CNTNAP2: variants seen among roughly 807,000 people sequenced by gnomAD.
CNTNAP2 encodes the protein contactin associated protein 2.
CNTNAP2 carries 98 observed loss-of-function variants against 155.2 expected under a neutral mutation model. That is an observed-to-expected ratio of 0.63 (90% confidence interval 0.54 to 0.75). CNTNAP2 has a LOEUF of 0.75. CNTNAP2 is among the 30% of genes least tolerant of loss of function. The probability of loss-of-function intolerance (pLI) is 0.00; values close to 1 mark genes in which losing one functional copy is unlikely to be tolerated. For synonymous variants in CNTNAP2, 651 were observed against 631.2 expected, an observed-to-expected ratio of 1.03 and a Z score of -0.47; for missense variants, 1,727 against 1,688.1, an observed-to-expected ratio of 1.02 and a Z score of -0.40.
chr7:147,025,400 G>A (rs1584790010), intron 3 of CNTNAP2, among the ~76,000 whole-genome samples: 1 of 15,140 alleles, frequency 6.6e-5, no homozygotes, highest in Non-Finnish European at 1.3e-4. Flanking sequence ...AAGGGGAGGG[G>A]GAAGAAGGGG....
chr7:146,640,836 T>A (rs1441525047), intron 1 of CNTNAP2, among the ~76,000 whole-genome samples: 2 of 152,080 alleles, frequency 1.3e-5, no homozygotes, highest in Non-Finnish European at 2.9e-5. Flanking sequence ...ATAAATAGAC[T>A]TGGAGAAAGG....
intron 21 of CNTNAP2, among the ~76,000 whole-genome samples, chr7:148,339,845 G>T (rs898791302): frequency 6.6e-6 from 1 of 152,278 alleles, no homozygotes; most frequent in East Asian, 1.9e-4. Context: ...GCAAGGTCGG[G>T]GGTTCTTTGG....
intron 11 of CNTNAP2, among the ~76,000 whole-genome samples, chr7:147,509,636 G>A (rs1798980636): frequency 6.6e-6 from 1 of 152,038 alleles, no homozygotes; most frequent in Non-Finnish European, 1.5e-5. Context: ...TGTCTTAGCA[G>A]TTACACTTTA....
chr7:147,521,105 C>G (rs756268717), intron 11 of CNTNAP2, among the ~76,000 whole-genome samples: 3 of 152,148 alleles, frequency 2.0e-5, no homozygotes, highest in Non-Finnish European at 4.4e-5. Flanking sequence ...TATTCAGGGT[C>G]CACCCAATCT....
chr7:147,543,868 G>A (rs1457515621), intron 11 of CNTNAP2, among the ~76,000 whole-genome samples: 1 of 152,096 alleles, frequency 6.6e-6, no homozygotes, highest in South Asian at 2.1e-4. Context: ...TTTCAGAGAG[G>A]CTAAGTAACC....
rs78916419 is a variant in CNTNAP2, at chr7:148,047,125, G to A, written c.2383+69136G>A. 3.6e-3 allele frequency among the ~76,000 whole-genome samples: 546 copies of A among 152,110 alleles called. 2 individuals are homozygous for A. Among genetic ancestry groups the A allele is most frequent in the African/African-American group, 0.012 (501 of 41,492 alleles). On this transcript the variant is annotated intron_variant, in intron 15 of 23. Coordinates refer to ENST00000361727, the MANE Select transcript of CNTNAP2 (RefSeq NM_014141.6). ...TCCTTTCCTTTTGATTCTTCAGTTC[G>A]TGCTACATGATAACTACTTGCCATT...
At chr7:147,962,904 G>A (rs1199367571) in intron 14 of CNTNAP2, among the ~76,000 whole-genome samples, 1 of 152,100 alleles carries the variant, frequency 6.6e-6, no homozygotes, top group Non-Finnish European at 1.5e-5. Context: ...TCCTGCCAGG[G>A]AAAATATGGA....
chr7:147,919,259 G>A (rs1800215332), intron 14 of CNTNAP2, among the ~76,000 whole-genome samples: 1 of 151,662 alleles, frequency 6.6e-6, no homozygotes, highest in Non-Finnish European at 1.5e-5. Flanking sequence ...CTAATCTACA[G>A]AACCATAAGA....
At chr7:146,217,225 A>G (rs2116891135) in intron 1 of CNTNAP2, among the ~76,000 whole-genome samples, 1 of 152,320 alleles carries the variant, frequency 6.6e-6, no homozygotes, top group South Asian at 2.1e-4. Context: ...AAGAACCTTA[A>G]CGCTTTTGTG....
intron 11 of CNTNAP2, among the ~76,000 whole-genome samples, chr7:147,502,451 C>T (rs1226294199): frequency 6.6e-6 from 1 of 152,038 alleles, no homozygotes; most frequent in Non-Finnish European, 1.5e-5. Flanking sequence ...AAATGTCAAA[C>T]TCACAGAAAC....
intron 15 of CNTNAP2, among the ~76,000 whole-genome samples, chr7:148,099,201 C>G (rs1376472350): frequency 1.3e-5 from 2 of 152,142 alleles, no homozygotes; most frequent in Non-Finnish European, 2.9e-5. Flanking sequence ...GACATAATAA[C>G]AGCACTTGAG....
At chr7:147,339,439 C>T (rs1795721493) in intron 9 of CNTNAP2, among the ~76,000 whole-genome samples, 1 of 152,078 alleles carries the variant, frequency 6.6e-6, no homozygotes, top group Non-Finnish European at 1.5e-5. Context: ...CTGCTTTCCA[C>T]CATGAGTGGA....
chr7:146,980,265 G>A (rs559997138), intron 3 of CNTNAP2, among the ~76,000 whole-genome samples: 1 of 152,114 alleles, frequency 6.6e-6, no homozygotes, highest in Non-Finnish European at 1.5e-5. Context: ...TGTCAGAAGG[G>A]GGCAAGTGAT....
intron 3 of CNTNAP2, among the ~76,000 whole-genome samples, chr7:146,913,286 G>C (rs1457031988): frequency 2.0e-5 from 3 of 152,108 alleles, no homozygotes; most frequent in African/African-American, 4.8e-5. Context: ...AAGAGGATGA[G>C]GCTGCAACAT....
chr7:147,409,013 C>G (rs1223417418), intron 10 of CNTNAP2, among the ~76,000 whole-genome samples: 1 of 152,080 alleles, frequency 6.6e-6, no homozygotes, highest in African/African-American at 2.4e-5. Context: ...AAGGTATTGG[C>G]TAGAAAGAGA....
At chr7:146,588,577 G>C (rs1348322625) in intron 1 of CNTNAP2, among the ~76,000 whole-genome samples, 1 of 151,166 alleles carries the variant, frequency 6.6e-6, no homozygotes, top group African/African-American at 2.4e-5. Context: ...CATTATCACT[G>C]CTCATTGCAG....
chr7:147,930,191 AC>A (rs1165538639), intron 14 of CNTNAP2, among the ~76,000 whole-genome samples: 1 of 152,192 alleles, frequency 6.6e-6, no homozygotes, highest in East Asian at 1.9e-4. Flanking sequence ...AAACAAACAA[AC>A]AAAAAAGGTT....
chr7:147,970,945 T>C (rs920422305), intron 14 of CNTNAP2, among the ~76,000 whole-genome samples: 6 of 152,210 alleles, frequency 3.9e-5, no homozygotes, highest in Non-Finnish European at 8.8e-5. Flanking sequence ...ATCTTGACTC[T>C]TGTTAATGAA....
intron 10 of CNTNAP2, among the ~76,000 whole-genome samples, chr7:147,449,748 CTCT>C (rs1481149614): frequency 1.3e-5 from 2 of 152,306 alleles, no homozygotes; most frequent in African/African-American, 4.8e-5. Context: ...TCAGTGGAAA[CTCT>C]TCTTCCCTAC....
Sources: allele counts gnomAD v4.1 joint callset (sites outside exome capture counted in the v4.1 genomes callset), GRCh38; gene constraint gnomAD v4.1.1; transcripts MANE v1.5; gene names NCBI Gene and HGNC (gene_info 2026-07-23, HGNC 2026-07-21).